Variants in SCLY observed in about 807,000 individuals in gnomAD.
The protein encoded by SCLY is selenocysteine lyase.
Under a neutral mutation model 50.1 loss-of-function variants are expected in SCLY, and 38 were observed. The ratio of observed to expected loss-of-function variants is 0.76; its 90% CI spans 0.59 to 0.99. SCLY has a LOEUF of 0.99. SCLY is among the 50% of genes least tolerant of loss of function. SCLY has a pLI of 0.00. For synonymous variants in SCLY, 243 were observed against 249.4 expected (o/e 0.97, Z 0.24); for missense variants, 600 against 620.0 (o/e 0.97, Z 0.34).
intron 1 of SCLY, 97 bp downstream of exon 1, chr2:238,061,240 T>A (rs1474388860): frequency 3.2e-6 from 3 of 943,018 alleles, no homozygotes; most frequent in Non-Finnish European, 5.0e-6. Context: ...GTGGCCGCTC[T>A]CGCGTGGGGC....
chr2:238,088,295 C>G (rs2065322557), intron 7 of SCLY, among the ~76,000 whole-genome samples: 1 of 151,774 alleles, frequency 6.6e-6, no homozygotes, highest in Non-Finnish European at 1.5e-5. Context: ...AATCTCGCCT[C>G]TATTACAAAT....
At chr2:238,078,765 T>C (rs1559245834) in intron 4 of SCLY, 2 of 151,552 alleles carry the variant, frequency 1.3e-5, no homozygotes, top group Non-Finnish European at 2.9e-5. Flanking sequence ...CAATCTTGGC[T>C]CACTGCAACC....
chr2:238,065,798 C>T (rs950042952), intron 2 of SCLY, among the ~76,000 whole-genome samples: 4 of 151,880 alleles, frequency 2.6e-5, no homozygotes, highest in Non-Finnish European at 4.4e-5. Context: ...CCTCAGCCTC[C>T]CAAGTAGCTG....
chr2:238,092,905 G>T, intron 8 of SCLY: 1 of 152,942 alleles, frequency 6.5e-6, no homozygotes. Context: ...TCCTGTCACT[G>T]TGATGCTAGC....
chr2:238,090,767 T>G (rs112395811), intron 7 of SCLY, among the ~76,000 whole-genome samples: 4 of 152,174 alleles, frequency 2.6e-5, no homozygotes, highest in Non-Finnish European at 5.9e-5. Flanking sequence ...CCATCTCCTG[T>G]GTGTGTGCAC....
At position 238,067,967 on chromosome 2, in the gene SCLY, C is replaced by T. The variant is rs1394581031; in HGVS notation, c.203-98C>T. On this transcript the variant is annotated intron_variant, in intron 2 of 11. Transcript: ENST00000254663. The surrounding 1 kb of genome is among the most constrained non-coding windows in gnomAD (Gnocchi z 4.3). ...CCAGGTTTTGTCTTAGAACGGCCCA[C>T]GCAGACCTCTTATTCCTTTGTATTT... 10 of 848,246 alleles carry T rather than the reference C, an allele frequency of 1.2e-5. No homozygotes were observed. Among genetic ancestry groups the T allele is most frequent in the South Asian group, 8.8e-5 (5 of 57,136 alleles). 52.5% of individuals were successfully genotyped at this position (848,246 alleles called of 1,614,324 possible). A position where few individuals can be genotyped will look rare whatever the true frequency, so the allele number is the denominator to read the frequency against.
chr2:238,086,101 A>G (rs906863819), intron 7 of SCLY, among the ~76,000 whole-genome samples: 4 of 152,216 alleles, frequency 2.6e-5, no homozygotes, highest in African/African-American at 9.6e-5. Context: ...AAAGGGACAC[A>G]ATTATTTTTC....
rs1448515640 is a variant in SCLY, at chr2:238,098,329, G to GT, written c.1313dup (p.Ala439GlyfsTer40). On this transcript the variant is annotated frameshift_variant, in exon 12 of 12. Transcript: ENST00000254663. LOFTEE classifies it high-confidence loss of function. ...CGTCGTGCAGGACCTGAAGCAGGCC[G>GT]TGGCGCAGCTGGAGGACCAGGCCTA... The GT allele has an allele frequency of 3.7e-6, 6 of 1,603,650 alleles. No individual in the cohort carries two copies. Among genetic ancestry groups the GT allele is most frequent in the Non-Finnish European group, 4.2e-6 (5 of 1,178,152 alleles).
chr2:238,063,080 C>T (rs1299802936), intron 1 of SCLY, among the ~76,000 whole-genome samples: 1 of 152,082 alleles, frequency 6.6e-6, no homozygotes, highest in African/African-American at 2.4e-5. Context: ...AAAAACAGAG[C>T]CCCCATGCCC....
At chr2:238,076,806 T>C (rs905070050) in intron 4 of SCLY, among the ~76,000 whole-genome samples, 18 of 152,224 alleles carry the variant, frequency 1.2e-4, no homozygotes, top group South Asian at 6.2e-4. Flanking sequence ...GATTTCTAAT[T>C]TTCTTCCATA....
In SCLY at chr2:238,061,001, G is replaced by GCCCGTAGCGCTCCGGC; in HGVS notation, c.-40_-39insGCCCCGTAGCGCTCCG. The GCCCGTAGCGCTCCGGC allele has an allele frequency of 7.7e-7, 1 of 1,293,548 alleles. No homozygotes were observed. Among genetic ancestry groups the GCCCGTAGCGCTCCGGC allele is most frequent in the South Asian group, 1.8e-5 (1 of 54,656 alleles). 80.1% of individuals were successfully genotyped at this position (1,293,548 alleles called of 1,614,324 possible). On this transcript the variant is annotated 5_prime_UTR_variant, in exon 1 of 12. Transcript: ENST00000254663. ...CCCCGCCTCCTCCCCGGCGCTCTGG[G>GCCCGTAGCGCTCCGGC]CCCGTAGCGCTCCGCGGGAAGGAGG...
rs74695332 is a variant in SCLY at position 238,098,381 on chromosome 2, C to T, written c.*26C>T. Reference sequence around the variant, plus strand: ...CACTGGGGCCGCCTTCCCCACCCCGCTTCTGGGAAGCCCGTGGCAGGGCAC... The same window carrying T: ...CACTGGGGCCGCCTTCCCCACCCCGTTTCTGGGAAGCCCGTGGCAGGGCAC... On this transcript the variant is annotated 3_prime_UTR_variant, in exon 12 of 12. Transcript: ENST00000254663. 48,021 of 1,566,992 alleles carry T rather than the reference C, an allele frequency of 0.031. 921 individuals carry two copies. The highest frequency in any genetic ancestry group is 0.037 in the Non-Finnish European group (42,955 of 1,159,466).
intron 6 of SCLY, chr2:238,082,995 G>A (rs1351001017): frequency 1.8e-6 from 1 of 549,400 alleles, no homozygotes; most frequent in Admixed American, 2.8e-5. Flanking sequence ...ATGCGCAGGG[G>A]AGAGCTGCCT....
intron 8 of SCLY, 166 bp downstream of exon 8, chr2:238,091,420 T>C: frequency 4.3e-6 from 3 of 693,264 alleles, no homozygotes; most frequent in Non-Finnish European, 5.3e-6. Flanking sequence ...GAGCTGTACT[T>C]TTTCAGATCT....
At chr2:238,098,098 C>G (rs540253365) in intron 11 of SCLY, 104 bp from the exon 12 acceptor site, 4 of 1,374,706 alleles carry the variant, frequency 2.9e-6, no homozygotes, top group Non-Finnish European at 3.9e-6. Flanking sequence ...AGGCGCACAT[C>G]CGGGTGGGCA....
Position 238,061,110 on chromosome 2 carries a change from C to G in SCLY, c.56C>G (p.Pro19Arg). Residue 19 changes from proline (P) to arginine (R), a missense_variant, in exon 1 of 12, where the codon CCC becomes CGC. Coordinates refer to ENST00000254663, the MANE Select transcript of SCLY (RefSeq NM_016510.7). ...GCGCCGGCACCCGCGGCGAGTCAGC[C>G]CAGCGGCTGCGGGAAACACAACTCG... ...RDAPAPAASQ[P>R]SGCGKHNSPE... The G allele has an allele frequency of 6.9e-7, 1 of 1,443,920 alleles. No homozygotes were observed. The highest frequency in any genetic ancestry group is 9.0e-7 in the Non-Finnish European group (1 of 1,105,546). 89.4% of individuals were successfully genotyped at this position (1,443,920 alleles called of 1,614,324 possible). A position where few individuals can be genotyped will look rare whatever the true frequency, so the allele number is the denominator to read the frequency against.
At position 238,070,067 on chromosome 2, in the gene SCLY, G is replaced by A. The variant is rs116418229; in HGVS notation, c.484+590G>A. ...GTGGTGCCCAAGTGCGGCAGGAGGC[G>A]CAGGGGCCCTCAGGGAGGAGGAGGC... On this transcript the variant is annotated intron_variant, in intron 4 of 11. Coordinates refer to ENST00000254663, the MANE Select transcript of SCLY (RefSeq NM_016510.7). Among the ~76,000 whole-genome samples the A allele has an allele frequency of 5.8e-3, 887 of 152,332 alleles. 14 individuals carry two copies. The highest frequency in any genetic ancestry group is 0.02 in the African/African-American group (830 of 41,584).
At position 238,068,126 on chromosome 2, in the gene SCLY, GA is replaced by G. The variant is rs776975843; in HGVS notation, c.267del (p.Lys89AsnfsTer5). On this transcript the variant is annotated frameshift_variant, in exon 3 of 12. Coordinates refer to ENST00000254663, the MANE Select transcript of SCLY (RefSeq NM_016510.7). LOFTEE classifies it high-confidence loss of function. ...RESLAKMIGG[K>X]PQDIIFTSGG... Reference sequence around the variant, plus strand: ...AAAGCCTCGCGAAGATGATAGGGGGGAAACCTCAAGATATAATCTTCACTTC... The same window carrying G: ...AAAGCCTCGCGAAGATGATAGGGGGGAACCTCAAGATATAATCTTCACTTC... The G allele has an allele frequency of 6.2e-6, 10 of 1,611,116 alleles. No individual in the cohort carries two copies. The highest frequency in any genetic ancestry group is 3.4e-5 in the Admixed American group (2 of 59,560).
intron 7 of SCLY, among the ~76,000 whole-genome samples, chr2:238,087,000 CAA>C (rs1007115086): frequency 7.7e-5 from 11 of 143,674 alleles, no homozygotes; most frequent in African/African-American, 2.9e-4. Context: ...GCCTGGGCAA[CAA>C]GAGCAAAACT....
Sources: gnomAD v4.1 joint callset for allele counts (sites outside exome capture counted in the v4.1 genomes callset) on GRCh38, gnomAD v4.1.1 for gene constraint, Gnocchi (gnomAD v3.1) non-coding constraint, MANE v1.5 for transcripts, NCBI Gene and HGNC (gene_info 2026-07-23, HGNC 2026-07-21) for gene names.